Variants in PSMF1 observed in about 807,000 individuals in gnomAD.
The protein encoded by PSMF1 is proteasome inhibitor subunit 1, also known as proteasome inhibitor PI31 subunit.
A neutral mutation model predicts 29.3 loss-of-function variants in PSMF1; 30 were observed. The ratio of observed to expected loss-of-function variants is 1.02; its 90% CI spans 0.77 to 1.39. The LOEUF is 1.39. PSMF1 is among the 40% of genes most tolerant of loss of function. The probability of loss-of-function intolerance (pLI) is 0.00; values close to 1 mark genes in which losing one functional copy is unlikely to be tolerated. For missense variants in PSMF1, 344 were observed against 357.5 expected, an observed-to-expected ratio of 0.96 and a Z score of 0.31; for synonymous variants, 134 against 139.7, an observed-to-expected ratio of 0.96 and a Z score of 0.29.
At position 1,133,555 on chromosome 20, in the gene PSMF1, G is replaced by GTGTATATATATATATATATATATA. The variant is rs60728448; in HGVS notation, c.366-1565_366-1564insGTATATATATATATATATATATAT. 7.4e-5 allele frequency among the ~76,000 whole-genome samples: 4 copies of GTGTATATATATATATATATATATA among 53,986 alleles called. 1 individual carries two copies. Among genetic ancestry groups the GTGTATATATATATATATATATATA allele is most frequent in the African/African-American group, 1.9e-4 (3 of 15,682 alleles). 35.4% of individuals were successfully genotyped at this position (53,986 alleles called of 152,430 possible). A position where few individuals can be genotyped will look rare whatever the true frequency, so the allele number is the denominator to read the frequency against. On this transcript the variant is annotated intron_variant, in intron 3 of 6. Coordinates refer to ENST00000335877, the MANE Select transcript of PSMF1 (RefSeq NM_006814.5). ...ATAGGATATACTAGTCTATATATGT[G>GTGTATATATATATATATATATATA]TATATATATATATATTTTTTTTTTT... is the stretch of plus-strand genomic sequence containing the variant.
At position 1,165,499 on chromosome 20, in the gene PSMF1, A is replaced by T; in HGVS notation, c.*419A>T. 4.9e-6 allele frequency: 5 copies of T among 1,016,266 alleles called. No homozygotes were observed. Among genetic ancestry groups the T allele is most frequent in the Non-Finnish European group, 4.7e-6 (4 of 849,252 alleles). 63.0% of individuals were successfully genotyped at this position (1,016,266 alleles called of 1,614,324 possible). On this transcript the variant is annotated 3_prime_UTR_variant, in exon 7 of 7. Transcript: ENST00000335877. ...GTTTCCCACTTTTCTTTTTACATTA[A>T]TGCATAGCTGCTTCCATTTATGAGA...
In PSMF1 at chr20:1,167,805, T is replaced by TTTTCAGTTGTTTGAG; in HGVS notation, c.*2732_*2746dup. 6.6e-6 allele frequency: 1 copy of TTTTCAGTTGTTTGAG among 152,240 alleles called. No individual in the cohort carries two copies. Among genetic ancestry groups the TTTTCAGTTGTTTGAG allele is most frequent in the East Asian group, 1.9e-4 (1 of 5,178 alleles). 9.4% of individuals were successfully genotyped at this position (152,240 alleles called of 1,614,324 possible). A position where few individuals can be genotyped will look rare whatever the true frequency, so the allele number is the denominator to read the frequency against. ...GAACATTTGTGTACCAGTTTTTGAG[T>TTTTCAGTTGTTTGAG]TTTCAGTTGTTTGAGTTTCAGATGT... On this transcript the variant is annotated 3_prime_UTR_variant, in exon 7 of 7. Coordinates refer to ENST00000335877, the MANE Select transcript of PSMF1 (RefSeq NM_006814.5).
At chr20:1,130,564 A>T (rs2086215634) in intron 3 of PSMF1, among the ~76,000 whole-genome samples, 1 of 152,140 alleles carries the variant, frequency 6.6e-6, no homozygotes, top group Admixed American at 6.5e-5. Context: ...TTGGTTACCG[A>T]TTTAAACGTC....
In PSMF1 at chr20:1,170,403, A is replaced by G. The variant is rs1600182772; in HGVS notation, c.*5323A>G. Among the ~76,000 whole-genome samples, 1 of 151,968 alleles carries G rather than the reference A, an allele frequency of 6.6e-6. No homozygotes were observed. Among genetic ancestry groups the G allele is most frequent in the Non-Finnish European group, 1.5e-5 (1 of 67,998 alleles). On this transcript the variant is annotated 3_prime_UTR_variant, in exon 7 of 7. Coordinates refer to ENST00000335877, the MANE Select transcript of PSMF1 (RefSeq NM_006814.5). ...CTGATTCGAAGTTTTCGTTGATTTT[A>G]CCCCCAGTATCCACTCCATTCCTTT...
chr20:1,120,746 C>T (rs1175038781), intron 1 of PSMF1, among the ~76,000 whole-genome samples: 1 of 152,160 alleles, frequency 6.6e-6, no homozygotes, highest in African/African-American at 2.4e-5. Flanking sequence ...TCCCCCTGCC[C>T]TTTGTCTTGT....
chr20:1,142,539 C>G lies in PSMF1; in HGVS notation c.551+7233C>G, dbSNP rs1488559640. On this transcript the variant is annotated intron_variant, in intron 4 of 6. Transcript: ENST00000335877. ...TGCAGTGTTTGGTTTTTTGCCCTTG[C>G]AATAGTTTGCTGAGAATGGTGGTTT... Among the ~76,000 whole-genome samples, 4 of 151,956 alleles carry G rather than the reference C, an allele frequency of 2.6e-5. No homozygotes were observed. In the East Asian group the frequency reaches 7.7e-4, roughly 29 times the overall value.
At chr20:1,157,860 C>G (rs1316938310) in intron 4 of PSMF1, among the ~76,000 whole-genome samples, 1 of 151,696 alleles carries the variant, frequency 6.6e-6, no homozygotes, top group Non-Finnish European at 1.5e-5. Context: ...TGTAGTTTCT[C>G]ATTGATCTTA....
At chr20:1,133,569 A>ATATATATATTTTTTTTTTTTTTT in intron 3 of PSMF1, among the ~76,000 whole-genome samples, 1 of 53,288 alleles carries the variant, frequency 1.9e-5, no homozygotes, top group African/African-American at 5.6e-5. Context: ...ATATATATAT[A>ATATATATATTTTTTTTTTTTTTT]TTTTTTTTTT....
At chr20:1,144,748 T>G (rs902636024) in intron 4 of PSMF1, among the ~76,000 whole-genome samples, 1 of 152,162 alleles carries the variant, frequency 6.6e-6, no homozygotes. Context: ...CTAAACAGAT[T>G]AGTGGTTGCC....
At position 1,170,951 on chromosome 20, in the gene PSMF1, C is replaced by T. The variant is rs2086784033; in HGVS notation, c.*5871C>T. On this transcript the variant is annotated 3_prime_UTR_variant, in exon 7 of 7. Transcript: ENST00000335877. Reference sequence around the variant, plus strand: ...ACAGCTAGTGGCATTAGTTGAGATGCTGCACCTACCCCCTGGGGTGGCAGA... The same window carrying T: ...ACAGCTAGTGGCATTAGTTGAGATGTTGCACCTACCCCCTGGGGTGGCAGA... 6.6e-6 allele frequency among the ~76,000 whole-genome samples: 1 copy of T among 152,050 alleles called. No individual in the cohort carries two copies. Among genetic ancestry groups the T allele is most frequent in the African/African-American group, 2.4e-5 (1 of 41,378 alleles).
intron 4 of PSMF1, among the ~76,000 whole-genome samples, chr20:1,136,719 A>C (rs1252254396): frequency 6.6e-6 from 1 of 152,244 alleles, no homozygotes; most frequent in Non-Finnish European, 1.5e-5. Flanking sequence ...TGAATTCAAC[A>C]GTGACAAAGG....
intron 4 of PSMF1, chr20:1,160,510 G>T (rs1057349210): frequency 3.4e-6 from 1 of 296,002 alleles, no homozygotes; most frequent in Non-Finnish European, 7.0e-6. Flanking sequence ...ATATAAGAGG[G>T]TCTCACTCAC....
chr20:1,133,569 ATTTT>A lies in PSMF1; in HGVS notation c.366-1539_366-1536del, dbSNP rs1217034678. 5.1e-3 allele frequency among the ~76,000 whole-genome samples: 270 copies of A among 53,322 alleles called. 17 individuals carry two copies. The highest frequency in any genetic ancestry group is 0.014 in the African/African-American group (247 of 17,850). The allele number at this position is 53,322 out of a possible 152,430, so 35.0% of individuals were successfully genotyped here. A position where few individuals can be genotyped will look rare whatever the true frequency, so the allele number is the denominator to read the frequency against. On this transcript the variant is annotated intron_variant, in intron 3 of 6. Coordinates refer to ENST00000335877, the MANE Select transcript of PSMF1 (RefSeq NM_006814.5). Reference sequence around the variant, plus strand: ...TCTATATATGTGTATATATATATATATTTTTTTTTTTTTTTTGGTGTAGTCTTTG... The same window carrying A: ...TCTATATATGTGTATATATATATATATTTTTTTTTTTTGGTGTAGTCTTTG...
At position 1,168,258 on chromosome 20, in the gene PSMF1, A is replaced by G. The variant is rs913307847; in HGVS notation, c.*3178A>G. The G allele has an allele frequency of 6.6e-6, 1 of 152,244 alleles. No individual in the cohort carries two copies. Among genetic ancestry groups the G allele is most frequent in the Non-Finnish European group, 1.5e-5 (1 of 68,048 alleles). 9.4% of individuals were successfully genotyped at this position (152,244 alleles called of 1,614,324 possible). ...GTGATACAGGGCAGGTTTTGTCTCT[A>G]GAGAAAGTTCTCATGACCTTCAGGT... On this transcript the variant is annotated 3_prime_UTR_variant, in exon 7 of 7. Transcript: ENST00000335877.
At chr20:1,132,012 A>G (rs981290912) in intron 3 of PSMF1, among the ~76,000 whole-genome samples, 4 of 152,132 alleles carry the variant, frequency 2.6e-5, no homozygotes, top group Admixed American at 2.6e-4. Flanking sequence ...CCCCAACATC[A>G]TTTGTTATTC....
intron 1 of PSMF1, among the ~76,000 whole-genome samples, chr20:1,124,814 T>C (rs748823947): frequency 3.9e-5 from 6 of 152,198 alleles, no homozygotes; most frequent in Non-Finnish European, 8.8e-5. Flanking sequence ...TTCAAAAACA[T>C]TTGAAGCTAT....
chr20:1,116,006 C>T (rs1486061926), upstream of PSMF1, among the ~76,000 whole-genome samples: 3 of 150,520 alleles, frequency 2.0e-5, no homozygotes, highest in Non-Finnish European at 4.4e-5. Context: ...GCTGGGATTA[C>T]AGGTGTGAGC....
At chr20:1,142,633 G>A (rs1367929881) in intron 4 of PSMF1, among the ~76,000 whole-genome samples, 1 of 152,218 alleles carries the variant, frequency 6.6e-6, no homozygotes, top group Non-Finnish European at 1.5e-5. Flanking sequence ...GTACTCCATG[G>A]TGTATATGTG....
At chr20:1,127,239 G>T in intron 2 of PSMF1, 187 bp from the exon 3 acceptor site, 1 of 756,294 alleles carries the variant, frequency 1.3e-6, no homozygotes. Context: ...CCTTGGAAAG[G>T]CAATATTCCT....
Sources: allele counts gnomAD v4.1 joint callset (sites outside exome capture counted in the v4.1 genomes callset), GRCh38; gene constraint gnomAD v4.1.1; transcripts MANE v1.5; gene names NCBI Gene and HGNC (gene_info 2026-07-23, HGNC 2026-07-21).